Variants in B3GALNT1 observed in about 807,000 individuals in gnomAD.
The protein encoded by B3GALNT1 is UDP-GalNAc:beta-1,3-N-acetylgalactosaminyltransferase 1.
B3GALNT1 carries 17 observed loss-of-function variants against 27.3 expected under a neutral mutation model. The observed-to-expected ratio is 0.62, with a 90% confidence interval of 0.43 to 0.94. The LOEUF (loss-of-function observed/expected upper bound fraction) is 0.94, where lower values mean the gene tolerates loss of function less well. Ranked by LOEUF, B3GALNT1 falls within the 40% of genes least tolerant of loss-of-function variation. The pLI, the probability that B3GALNT1 is intolerant of heterozygous loss-of-function variation, is 0.00. For missense variants in B3GALNT1, 347 were observed against 390.0 expected, an observed-to-expected ratio of 0.89 and a Z score of 0.93; for synonymous variants, 141 against 144.0, an observed-to-expected ratio of 0.98 and a Z score of 0.15.
intron 4 of B3GALNT1, among the ~76,000 whole-genome samples, chr3:161,087,604 G>T (rs984567265): frequency 6.6e-6 from 1 of 152,168 alleles, no homozygotes; most frequent in Non-Finnish European, 1.5e-5. Context: ...TCAGAATCAT[G>T]GGATGGAAAC....
intron 3 of B3GALNT1, 21 bp downstream of exon 3, chr3:161,103,406 G>A: frequency 8.6e-7 from 1 of 1,159,674 alleles, no homozygotes; most frequent in Non-Finnish European, 1.1e-6. Flanking sequence ...TAATTTATAA[G>A]TTAAAAGTAG....
At position 161,086,808 on chromosome 3, in the gene B3GALNT1, T is replaced by C. The variant is rs1292345825; in HGVS notation, c.-34-20A>G. 6.2e-6 allele frequency: 10 copies of C among 1,602,280 alleles called. No homozygotes were observed. The East Asian group carries it at 1.1e-4, about 18-fold the overall frequency. On this transcript the variant is annotated intron_variant, in intron 4 of 4. Transcript: ENST00000320474. ...AAGGTTCTGGAAGAGTTATCAAAGA[T>C]TGGGTTAATATTCCACACCGAAAAC... is the stretch of plus-strand genomic sequence containing the variant.
intron 4 of B3GALNT1, among the ~76,000 whole-genome samples, chr3:161,089,727 G>A (rs1250720626): frequency 6.6e-6 from 1 of 152,004 alleles, no homozygotes; most frequent in Non-Finnish European, 1.5e-5. Flanking sequence ...AAATATAAAT[G>A]TGCTGTTAAT....
chr3:161,103,082 T>C (rs1732258625), intron 3 of B3GALNT1: 1 of 152,230 alleles, frequency 6.6e-6, no homozygotes, highest in Non-Finnish European at 1.5e-5. Flanking sequence ...AAAATATATA[T>C]ATTATTAGAG....
Position 161,086,546 on chromosome 3 carries a change from T to C in B3GALNT1, c.209A>G (p.His70Arg), listed in dbSNP as rs141790649. Reference sequence around the variant, plus strand: ...TGGATTTTGATGAGAGCAGTTTGAATGCTCTCGAAGTGTGAAGTGAAAGTC... The same window carrying C: ...TGGATTTTGATGAGAGCAGTTTGAACGCTCTCGAAGTGTGAAGTGAAAGTC... ...RQDFHFTLREHSNCSHQNPFL... is the reference protein window; with the variant it reads ...RQDFHFTLRERSNCSHQNPFL... The change falls in exon 5 of 5, where the codon CAT (histidine) becomes CGT (arginine). Residue 70 changes from histidine (H) to arginine (R), a missense_variant. Physicochemically the swap from His to Arg is conservative, Grantham distance 29. Transcript: ENST00000320474. The C allele has an allele frequency of 6.2e-6, 10 of 1,614,106 alleles. No homozygotes were observed. In the African/African-American group the frequency reaches 1.2e-4, roughly 19 times the overall value.
intron 4 of B3GALNT1, among the ~76,000 whole-genome samples, chr3:161,092,062 T>C (rs1725399351): frequency 6.6e-6 from 1 of 152,118 alleles, no homozygotes; most frequent in Non-Finnish European, 1.5e-5. Flanking sequence ...AATCGTAACA[T>C]CATAAATGAT....
At chr3:161,090,337 T>C (rs981223422) in intron 4 of B3GALNT1, among the ~76,000 whole-genome samples, 2 of 152,050 alleles carry the variant, frequency 1.3e-5, no homozygotes, top group Non-Finnish European at 2.9e-5. Flanking sequence ...ATCAAGCAGA[T>C]AAAAAAGGAT....
At position 161,086,578 on chromosome 3, in the gene B3GALNT1, G is replaced by C; in HGVS notation, c.177C>G (p.Tyr59Ter). 2 of 1,614,180 alleles carry C rather than the reference G, an allele frequency of 1.2e-6. No homozygotes were observed. The highest frequency in any genetic ancestry group is 1.7e-6 in the Non-Finnish European group (2 of 1,180,038). ...WMYFYEYEPI[Y>*]RQDFHFTLRE... ...GAAGTGTGAAGTGAAAGTCTTGTCT[G>C]TAAATCGGCTCATACTCATAGAAGT... The change falls in exon 5 of 5, where the codon TAC becomes TAG. Residue 59 changes from tyrosine (Y) to a stop codon, truncating the protein, a stop_gained. Coordinates refer to ENST00000320474, the MANE Select transcript of B3GALNT1 (RefSeq NM_003781.4). LOFTEE classifies it high-confidence loss of function.
chr3:161,094,907 C>T (rs966702195), intron 4 of B3GALNT1, among the ~76,000 whole-genome samples: 2 of 152,140 alleles, frequency 1.3e-5, no homozygotes, highest in African/African-American at 4.8e-5. Context: ...TATATAAGCC[C>T]CTCTTTCATC....
intron 3 of B3GALNT1, among the ~76,000 whole-genome samples, chr3:161,102,753 G>A (rs962082854): frequency 7.9e-5 from 12 of 152,102 alleles, no homozygotes; most frequent in Non-Finnish European, 1.8e-4. Flanking sequence ...ACCCCATAGC[G>A]AGCAACCATG....
chr3:161,086,455 A>G lies in B3GALNT1; in HGVS notation c.300T>C (p.Thr100=), dbSNP rs536094512. ...CCCACCAAGACTTTTTTTCACCCCAAGTAACTCTAATGGCCTGCCTGGCTT... is the reference window on the plus strand; with the variant it reads ...CCCACCAAGACTTTTTTTCACCCCAGGTAACTCTAATGGCCTGCCTGGCTT... ...DVKARQAIRV[T]WGEKKSWWGY... The change falls in exon 5 of 5, where the codon ACT becomes ACC. Residue 100 remains threonine, a synonymous_variant. Transcript: ENST00000320474. The G allele has an allele frequency of 1.2e-4, 189 of 1,613,936 alleles. 3 individuals carry two copies. The South Asian group carries it at 1.9e-3, about 16-fold the overall frequency.
intron 2 of B3GALNT1, 180 bp downstream of exon 2, chr3:161,104,139 G>A: frequency 2.7e-6 from 1 of 364,694 alleles, no homozygotes. Flanking sequence ...TCTCTTATCT[G>A]TTAGTAATAA....
intron 4 of B3GALNT1, 76 bp downstream of exon 4, chr3:161,101,063 C>A (rs901552415): frequency 2.6e-6 from 3 of 1,169,282 alleles, no homozygotes; most frequent in South Asian, 1.3e-5. Context: ...CCAGGAGAGA[C>A]CAACCTCACA....
chr3:161,086,527 T>C lies in B3GALNT1; in HGVS notation c.228A>G (p.Gln76=). 6.2e-7 allele frequency: 1 copy of C among 1,614,186 alleles called. No homozygotes were observed. Among genetic ancestry groups the C allele is most frequent in the South Asian group, 1.1e-5 (1 of 91,072 alleles). ...TCACCAGAATGACCAGAAATGGATT[T>C]TGATGAGAGCAGTTTGAATGCTCTC... ...TLREHSNCSH[Q]NPFLVILVTS... The change falls in exon 5 of 5, where the codon CAA becomes CAG. Residue 76 remains glutamine, a synonymous_variant. Coordinates refer to ENST00000320474, the MANE Select transcript of B3GALNT1 (RefSeq NM_003781.4).
chr3:161,099,076 C>A (rs1729775753), intron 4 of B3GALNT1, among the ~76,000 whole-genome samples: 1 of 152,128 alleles, frequency 6.6e-6, no homozygotes, highest in Non-Finnish European at 1.5e-5. Flanking sequence ...TTCATGCAGT[C>A]ATTTGTTCAA....
chr3:161,098,886 A>G (rs1729658157), intron 4 of B3GALNT1, among the ~76,000 whole-genome samples: 1 of 152,176 alleles, frequency 6.6e-6, no homozygotes. Context: ...CCTAAGCCCC[A>G]TTTTCAATAG....
At chr3:161,104,191 G>T in intron 2 of B3GALNT1, 128 bp downstream of exon 2, 2 of 560,498 alleles carry the variant, frequency 3.6e-6, no homozygotes, top group Non-Finnish European at 5.6e-6. Flanking sequence ...AGTAATTTGT[G>T]CTTTTATCAG....
Position 161,101,162 on chromosome 3 carries a change from G to C in B3GALNT1, c.-58C>G, listed in dbSNP as rs189375137. On this transcript the variant is annotated 5_prime_UTR_variant, in exon 4 of 5. Coordinates refer to ENST00000320474, the MANE Select transcript of B3GALNT1 (RefSeq NM_003781.4). ...ACCTTTACACTCGGGGTGAGTAGTC[G>C]GAGAGCACCACGTGATAGAGCAGCC... The C allele has an allele frequency of 7.8e-7, 1 of 1,289,748 alleles. No individual in the cohort carries two copies. The highest frequency in any genetic ancestry group is 2.3e-5 in the Admixed American group (1 of 43,566). 79.9% of individuals were successfully genotyped at this position (1,289,748 alleles called of 1,614,324 possible).
Position 161,090,257 on chromosome 3 carries a change from G to A in B3GALNT1, c.-34-3469C>T, listed in dbSNP as rs572164927. Among the ~76,000 whole-genome samples, 5 of 152,176 alleles carry A rather than the reference G, an allele frequency of 3.3e-5. No individual in the cohort carries two copies. In the East Asian group the frequency reaches 7.7e-4, roughly 24 times the overall value. On this transcript the variant is annotated intron_variant, in intron 4 of 4. Coordinates refer to ENST00000320474, the MANE Select transcript of B3GALNT1 (RefSeq NM_003781.4). Reference sequence around the variant, plus strand: ...CAAAATATATAAAGCAAAACCTGAAGAGTATGGGTATAAATGGGAAAACTT... The same window carrying A: ...CAAAATATATAAAGCAAAACCTGAAAAGTATGGGTATAAATGGGAAAACTT...
Sources: gnomAD v4.1 joint callset for allele counts (sites outside exome capture counted in the v4.1 genomes callset) on GRCh38, gnomAD v4.1.1 for gene constraint, MANE v1.5 for transcripts, NCBI Gene and HGNC (gene_info 2026-07-23, HGNC 2026-07-21) for gene names.